SORCS2: variants seen among roughly 807,000 people sequenced by gnomAD.
SORCS2 encodes VPS10 domain-containing receptor SorCS2.
In SORCS2, 100 loss-of-function variants were observed where a neutral mutation model predicts 141.6. The observed-to-expected ratio is 0.71, with a 90% CI of 0.60 to 0.83. The LOEUF is 0.83. Ranked by LOEUF, SORCS2 falls within the 40% of genes least tolerant of loss-of-function variation. SORCS2 has a pLI of 0.00. For missense variants in SORCS2, 1,646 were observed against 1,560.2 expected, an observed-to-expected ratio of 1.05 and a Z score of -0.93; for synonymous variants, 789 against 676.9, an observed-to-expected ratio of 1.17 and a Z score of -2.57.
intron 3 of SORCS2, among the ~76,000 whole-genome samples, chr4:7,614,017 C>T (rs1426925765): frequency 9.9e-5 from 15 of 151,794 alleles, no homozygotes; most frequent in African/African-American, 3.4e-4. Flanking sequence ...ATCATACACC[C>T]ATTCACCATC....
At chr4:7,302,926 C>T (rs947095482) in intron 1 of SORCS2, among the ~76,000 whole-genome samples, 4 of 152,242 alleles carry the variant, frequency 2.6e-5, no homozygotes, top group East Asian at 3.9e-4. Context: ...ATCACACATT[C>T]GTAATTGAGG....
intron 1 of SORCS2, among the ~76,000 whole-genome samples, chr4:7,325,891 CG>C (rs1226932801): frequency 1.3e-5 from 2 of 152,028 alleles, no homozygotes; most frequent in Non-Finnish European, 2.9e-5. Context: ...CATGCACTGG[CG>C]GGCGGGGCGG....
At chr4:7,659,333 C>A (rs2108911083) in intron 5 of SORCS2, among the ~76,000 whole-genome samples, 1 of 151,296 alleles carries the variant, frequency 6.6e-6, no homozygotes, top group South Asian at 2.1e-4. Context: ...CCAGGCCCAA[C>A]ACTGGGCATA....
intron 4 of SORCS2, among the ~76,000 whole-genome samples, chr4:7,644,178 GA>G (rs1277310326): frequency 2.6e-5 from 4 of 152,188 alleles, no homozygotes; most frequent in African/African-American, 9.6e-5. Context: ...GACCCACCAG[GA>G]AGTTTCTACC....
intron 1 of SORCS2, among the ~76,000 whole-genome samples, chr4:7,365,186 AG>A (rs1423233978): frequency 6.6e-6 from 1 of 152,168 alleles, no homozygotes; most frequent in African/African-American, 2.4e-5. Context: ...GAGGCCACGG[AG>A]GTGAGCTGAT....
intron 3 of SORCS2, among the ~76,000 whole-genome samples, chr4:7,588,130 C>T (rs999879059): frequency 6.6e-6 from 1 of 152,170 alleles, no homozygotes; most frequent in South Asian, 2.1e-4. Context: ...CATCTGGGTC[C>T]CTCTGAATAA....
In SORCS2 at chr4:7,507,338, C is replaced by G. The variant is rs186845652; in HGVS notation, c.549-24192C>G. On this transcript the variant is annotated intron_variant, in intron 2 of 26. Coordinates refer to ENST00000507866, the MANE Select transcript of SORCS2 (RefSeq NM_020777.3). ...TACAGGCGCGTGCCACCACGCCAGG[C>G]TAATTTTTTGTATTTTAGTAGAGAC... is the stretch of plus-strand genomic sequence containing the variant. Among the ~76,000 whole-genome samples, 63 of 152,206 alleles carry G rather than the reference C, an allele frequency of 4.1e-4. No homozygotes were observed. The South Asian group carries it at 5.2e-3, about 13-fold the overall frequency.
intron 2 of SORCS2, among the ~76,000 whole-genome samples, chr4:7,478,323 G>C (rs28403245): frequency 0.023 from 3,492 of 152,122 alleles, 129 homozygotes; most frequent in African/African-American, 0.08. Flanking sequence ...CATGGTCTGC[G>C]TCACCAGCTC....
At chr4:7,449,929 C>T (rs573633001) in intron 2 of SORCS2, among the ~76,000 whole-genome samples, 1 of 152,314 alleles carries the variant, frequency 6.6e-6, no homozygotes, top group South Asian at 2.1e-4. Context: ...CTGGAAAATT[C>T]TCGATCCTTG....
chr4:7,534,719 G>A (rs183539171), intron 3 of SORCS2, among the ~76,000 whole-genome samples: 109 of 152,288 alleles, frequency 7.2e-4, no homozygotes, highest in African/African-American at 2.4e-3. Context: ...AGGCGCCTCC[G>A]GAAAGAAGTT....
chr4:7,575,898 G>A (rs188248734), intron 3 of SORCS2, among the ~76,000 whole-genome samples: 2 of 152,190 alleles, frequency 1.3e-5, no homozygotes, highest in Admixed American at 6.5e-5. Flanking sequence ...ATTATCTGTT[G>A]TTTCTGTTTC....
chr4:7,220,057 C>T (rs1282122228), intron 1 of SORCS2, among the ~76,000 whole-genome samples: 2 of 152,218 alleles, frequency 1.3e-5, no homozygotes, highest in Non-Finnish European at 2.9e-5. Context: ...AGAACAACAG[C>T]TGCCGACTGA....
At chr4:7,269,321 G>A (rs533132632) in intron 1 of SORCS2, among the ~76,000 whole-genome samples, 11 of 152,204 alleles carry the variant, frequency 7.2e-5, no homozygotes, top group African/African-American at 2.4e-4. Flanking sequence ...GTGCAGGGCC[G>A]CCAGGGCCCC....
intron 1 of SORCS2, among the ~76,000 whole-genome samples, chr4:7,388,232 C>G (rs998888709): frequency 5.3e-5 from 8 of 152,200 alleles, no homozygotes; most frequent in South Asian, 2.1e-4. Context: ...CTGCTCCTAA[C>G]TAGAGCAGCT....
intron 1 of SORCS2, among the ~76,000 whole-genome samples, chr4:7,198,238 G>A (rs192380317): frequency 5.6e-4 from 86 of 152,278 alleles, no homozygotes; most frequent in African/African-American, 1.8e-3. Context: ...CTCTGTCCTG[G>A]GTGGTGCTGG....
chr4:7,319,903 T>G (rs1284995274), intron 1 of SORCS2, among the ~76,000 whole-genome samples: 1 of 152,242 alleles, frequency 6.6e-6, no homozygotes. Context: ...TCCTTAATGA[T>G]TCCCCCCACC....
At chr4:7,474,376 G>C (rs144370920) in intron 2 of SORCS2, among the ~76,000 whole-genome samples, 59 of 152,310 alleles carry the variant, frequency 3.9e-4, no homozygotes, top group Non-Finnish European at 6.9e-4. Flanking sequence ...GGGCTGACAG[G>C]CATCCCTCCC....
intron 3 of SORCS2, among the ~76,000 whole-genome samples, chr4:7,563,024 A>G (rs553072587): frequency 2.4e-4 from 36 of 152,262 alleles, no homozygotes; most frequent in African/African-American, 8.4e-4. Flanking sequence ...GCACCATTTA[A>G]CCCAATATGC....
At chr4:7,686,661 G>C (rs566792655) in intron 10 of SORCS2, among the ~76,000 whole-genome samples, 6 of 152,344 alleles carry the variant, frequency 3.9e-5, no homozygotes, top group Admixed American at 1.3e-4. Flanking sequence ...TGGGGCTCCT[G>C]ATGCGCACTG....
Sources: gnomAD v4.1 joint callset for allele counts (sites outside exome capture counted in the v4.1 genomes callset) on GRCh38, gnomAD v4.1.1 for gene constraint, MANE v1.5 for transcripts, NCBI Gene and HGNC (gene_info 2026-07-23, HGNC 2026-07-21) for gene names.